The following SLC13A1 variants were observed in gnomAD, a reference collection of about 807,000 sequenced individuals.
The protein encoded by SLC13A1 is Na(+)/sulfate cotransporter.
Under a neutral mutation model 70.0 loss-of-function variants are expected in SLC13A1, and 65 were observed. The ratio of observed to expected loss-of-function variants is 0.93; its 90% CI spans 0.76 to 1.14. The LOEUF (loss-of-function observed/expected upper bound fraction) is 1.14. SLC13A1 is among the 50% of genes most tolerant of loss of function. The pLI, the probability that SLC13A1 is intolerant of heterozygous loss-of-function variation, is 0.00. For synonymous variants in SLC13A1, 275 were observed against 250.5 expected, an observed-to-expected ratio of 1.10 and a Z score of -0.92; for missense variants, 726 against 717.8, an observed-to-expected ratio of 1.01 and a Z score of -0.13.
Position 123,119,162 on chromosome 7 carries a change from A to C in SLC13A1, c.1431T>G (p.Ser477=). The change falls in exon 13 of 15, where the codon TCT becomes TCG. Residue 477 remains serine, a synonymous_variant. Transcript: ENST00000194130. Reference sequence around the variant, plus strand: ...CAGTTAAAGATGTCACCATCAAAGAAGATATCAGAATTATTAGCCATGCTG... The same window carrying C: ...CAGTTAAAGATGTCACCATCAAAGACGATATCAGAATTATTAGCCATGCTG... ...SLPAWLIILI[S]SLMVTSLTEV... 1 of 1,612,814 alleles carries C rather than the reference A, an allele frequency of 6.2e-7. No individual in the cohort carries two copies. Among genetic ancestry groups the C allele is most frequent in the Non-Finnish European group, 8.5e-7 (1 of 1,179,152 alleles).
At chr7:123,186,443 G>C (rs1353714387) in intron 1 of SLC13A1, among the ~76,000 whole-genome samples, 1 of 152,084 alleles carries the variant, frequency 6.6e-6, no homozygotes, top group East Asian at 1.9e-4. Context: ...GAAACTCATA[G>C]AGTGACCAAT....
chr7:123,149,570 C>T (rs1021583345), intron 6 of SLC13A1: 6 of 456,446 alleles, frequency 1.3e-5, no homozygotes, highest in Middle Eastern at 3.2e-4. Flanking sequence ...TCATTTTAAA[C>T]ACTAAGTTTA....
chr7:123,121,439 T>C (rs533675994), intron 12 of SLC13A1, among the ~76,000 whole-genome samples: 10 of 152,246 alleles, frequency 6.6e-5, no homozygotes, highest in African/African-American at 2.2e-4. Context: ...CTCTCAAATA[T>C]CCTCTTTCCA....
In SLC13A1 at chr7:123,171,833, T is replaced by G; in HGVS notation, c.300A>C (p.Glu100Asp). Residue 100 changes from glutamate to aspartate, a missense_variant, in exon 3 of 15, where the codon GAA (glutamate) becomes GAC (aspartate). Transcript: ENST00000194130. ...IGVICLATSI[E>D]KWNLHKRIAL... ...CAATTCTCTTGTGCAAATTCCATTT[T>G]TCTATGGATGTTGCTAAACAGATAA... 6.2e-7 allele frequency: 1 copy of G among 1,613,720 alleles called. No individual in the cohort carries two copies. Among genetic ancestry groups the G allele is most frequent in the East Asian group, 2.2e-5 (1 of 44,838 alleles).
At chr7:123,157,388 G>T (rs534780169) in intron 6 of SLC13A1, among the ~76,000 whole-genome samples, 15 of 152,034 alleles carry the variant, frequency 9.9e-5, no homozygotes, top group Non-Finnish European at 2.1e-4. Context: ...AACATTTATT[G>T]TGTGTGATGA....
In SLC13A1 at chr7:123,147,293, G is replaced by C; in HGVS notation, c.678C>G (p.Thr226=). ...VELEKNSGMR[T]KYRTKKGHVT... is the part of the protein sequence containing the mutation. The stretch of plus-strand genomic sequence containing the variant: ...CGTGGCCCTTCTTTGTTCGATATTT[G>C]GTTCTCATGCCTGAGTTCTGTTCAA... Residue 226 remains threonine, a synonymous_variant, in exon 7 of 15, where the codon ACC becomes ACG. Transcript: ENST00000194130. 1.9e-6 allele frequency: 3 copies of C among 1,613,334 alleles called. No homozygotes were observed. Among genetic ancestry groups the C allele is most frequent in the Middle Eastern group, 1.7e-4 (1 of 6,054 alleles).
chr7:123,179,820 C>T lies in SLC13A1; in HGVS notation c.228+1153G>A, dbSNP rs374595556. Among the ~76,000 whole-genome samples, 1,266 of 152,206 alleles carry T rather than the reference C, an allele frequency of 8.3e-3. 17 individuals are homozygous for T. Among genetic ancestry groups the T allele is most frequent in the African/African-American group, 0.028 (1,177 of 41,534 alleles). On this transcript the variant is annotated intron_variant, in intron 2 of 14. Transcript: ENST00000194130. The stretch of plus-strand genomic sequence containing the variant: ...GACAAAGGTATAACTGTTAAAAACA[C>T]ACCTGTCTCTGGACACAGAACCATC...
In SLC13A1 at chr7:123,123,220, G is replaced by T. The variant is rs1174124070; in HGVS notation, c.1256C>A (p.Ser419Tyr). The change falls in exon 12 of 15, where the codon TCT becomes TAT. Residue 419 changes from serine (S) to tyrosine (Y), a missense_variant. Physicochemically the swap from Ser to Tyr is moderately radical, Grantham distance 144. Coordinates refer to ENST00000194130, the MANE Select transcript of SLC13A1 (RefSeq NM_022444.4). ...PTGEIVAFDYSPLITWKEFQS... is the reference protein window; with the variant it reads ...PTGEIVAFDYYPLITWKEFQS... ...GAATTCTTTCCAAGTAATCAGTGGAGAGTAATCAAAAGCAACTGCAAAACA... is the reference window on the plus strand; with the variant it reads ...GAATTCTTTCCAAGTAATCAGTGGATAGTAATCAAAAGCAACTGCAAAACA... 1 of 1,612,510 alleles carries T rather than the reference G, an allele frequency of 6.2e-7. No individual in the cohort carries two copies.
At chr7:123,154,627 C>T (rs1794656875) in intron 6 of SLC13A1, among the ~76,000 whole-genome samples, 2 of 151,980 alleles carry the variant, frequency 1.3e-5, no homozygotes, top group Admixed American at 1.3e-4. Context: ...CTTTTCCTGC[C>T]CCTTCTGTAA....
Position 123,169,308 on chromosome 7 carries a change from A to T in SLC13A1, c.393T>A (p.Thr131=). The T allele has an allele frequency of 6.2e-7, 1 of 1,613,250 alleles. No individual in the cohort carries two copies. The highest frequency in any genetic ancestry group is 8.5e-7 in the Non-Finnish European group (1 of 1,179,986). The change falls in exon 4 of 15, where the codon ACT becomes ACA. Residue 131 remains threonine (T), a synonymous_variant. Transcript: ENST00000194130. ...AWLTLGFMSS[T]AFLSMWLSNT... is the part of the protein sequence containing the mutation. The stretch of plus-strand genomic sequence containing the variant: ...TGCTGAGCCACATAGACAAAAAGGC[A>T]GTGCTGCTCATGAACCCCAGCGTCA...
intron 2 of SLC13A1, among the ~76,000 whole-genome samples, chr7:123,176,438 CAT>C (rs1795448471): frequency 6.6e-6 from 1 of 152,140 alleles, no homozygotes; most frequent in Non-Finnish European, 1.5e-5. Flanking sequence ...GCAAGATCAA[CAT>C]AGTTATATTT....
intron 13 of SLC13A1, among the ~76,000 whole-genome samples, chr7:123,118,141 T>A (rs1793244403): frequency 6.6e-6 from 1 of 152,028 alleles, no homozygotes; most frequent in East Asian, 1.9e-4. Context: ...GGTTTTCAAG[T>A]CCCTGTGGCT....
chr7:123,127,314 C>A (rs1179041426), intron 10 of SLC13A1, among the ~76,000 whole-genome samples: 1 of 152,080 alleles, frequency 6.6e-6, no homozygotes, highest in Non-Finnish European at 1.5e-5. Context: ...CAAAACAATT[C>A]CTGTTTCCTC....
intron 1 of SLC13A1, among the ~76,000 whole-genome samples, chr7:123,196,567 T>G (rs906082331): frequency 6.6e-6 from 1 of 151,916 alleles, no homozygotes; most frequent in Non-Finnish European, 1.5e-5. Context: ...GGGCACCATA[T>G]CCTGACAAGC....
At chr7:123,176,834 T>C (rs887808302) in intron 2 of SLC13A1, among the ~76,000 whole-genome samples, 8 of 152,260 alleles carry the variant, frequency 5.3e-5, no homozygotes, top group Admixed American at 2.0e-4. Context: ...CTTTGGCTAG[T>C]GCTTTCTCTT....
chr7:123,118,119 A>G (rs1793243558), intron 13 of SLC13A1, among the ~76,000 whole-genome samples: 1 of 152,112 alleles, frequency 6.6e-6, no homozygotes, highest in African/African-American at 2.4e-5. Context: ...GGTGAGCAAC[A>G]GAGCTCAGGT....
rs3837116 is a variant in SLC13A1, at chr7:123,129,324, CTGTGTGTGTGTGTGTGTGTGTGTG to C, written c.1031+35_1031+58del. On this transcript the variant is annotated intron_variant, in intron 9 of 14. Coordinates refer to ENST00000194130, the MANE Select transcript of SLC13A1 (RefSeq NM_022444.4). ...AGTGTAAACAGCATTTCTCTCTTCT[CTGTGTGTGTGTGTGTGTGTGTGTG>C]TGTGTGTGTGTGTGTGTGTGTGTGT... 1.3e-4 allele frequency: 102 copies of C among 781,296 alleles called. 1 individual carries two copies. Among genetic ancestry groups the C allele is most frequent in the Admixed American group, 3.6e-4 (13 of 35,636 alleles). The allele number at this position is 781,296 out of a possible 1,614,324, so 48.4% of individuals were successfully genotyped here.
chr7:123,173,339 G>C (rs1795335620), intron 2 of SLC13A1, among the ~76,000 whole-genome samples: 2 of 152,002 alleles, frequency 1.3e-5, no homozygotes, highest in Non-Finnish European at 2.9e-5. Flanking sequence ...TTTATAAAAT[G>C]TTCATTTATG....
intron 1 of SLC13A1, among the ~76,000 whole-genome samples, chr7:123,191,313 T>A (rs1382110264): frequency 6.6e-6 from 1 of 152,198 alleles, no homozygotes; most frequent in African/African-American, 2.4e-5. Context: ...TCCAGCTCTT[T>A]CTGTCCTTCA....
Sources: allele counts gnomAD v4.1 joint callset (sites outside exome capture counted in the v4.1 genomes callset), GRCh38; gene constraint gnomAD v4.1.1; transcripts MANE v1.5; gene names NCBI Gene and HGNC (gene_info 2026-07-23, HGNC 2026-07-21).